The following ITGA1 variants were observed in gnomAD, a reference collection of about 807,000 sequenced individuals.
The protein encoded by ITGA1 is integrin alpha-1.
A neutral mutation model predicts 145.9 loss-of-function variants in ITGA1; 85 were observed. The observed-to-expected ratio is 0.58, with a 90% CI of 0.49 to 0.70. The LOEUF (loss-of-function observed/expected upper bound fraction) is 0.70, where lower values mean the gene tolerates loss of function less well. Ranked by LOEUF, ITGA1 falls within the 30% of genes least tolerant of loss-of-function variation. The probability of loss-of-function intolerance (pLI) is 0.00; values close to 1 mark genes in which losing one functional copy is unlikely to be tolerated. For synonymous variants in ITGA1, 520 were observed against 495.3 expected (o/e 1.05, Z -0.66); for missense variants, 1,351 against 1,418.7 (o/e 0.95, Z 0.77).
chr5:52,836,474 T>C (rs1300172994), intron 1 of ITGA1, among the ~76,000 whole-genome samples: 2 of 152,186 alleles, frequency 1.3e-5, no homozygotes, highest in African/African-American at 4.8e-5. Context: ...AAAATCTTTG[T>C]CTTTTTTTGG....
intron 14 of ITGA1, among the ~76,000 whole-genome samples, chr5:52,912,840 A>C (rs1319589944): frequency 6.6e-6 from 1 of 150,860 alleles, no homozygotes. Context: ...TCCACCTCCC[A>C]GGTTCACACC....
chr5:52,840,911 C>T (rs950931834), intron 1 of ITGA1, among the ~76,000 whole-genome samples: 10 of 152,184 alleles, frequency 6.6e-5, no homozygotes, highest in Non-Finnish European at 1.2e-4. Context: ...TTCCTTGCCT[C>T]CTTTCCACCA....
rs2111565804 is a variant in ITGA1 at position 52,954,035 on chromosome 5, C to G, written c.*1584C>G. 1 of 152,256 alleles carries G rather than the reference C, an allele frequency of 6.6e-6. No individual in the cohort carries two copies. The highest frequency in any genetic ancestry group is 2.4e-5 in the African/African-American group (1 of 41,544). 9.4% of individuals were successfully genotyped at this position (152,256 alleles called of 1,614,324 possible). A position where few individuals can be genotyped will look rare whatever the true frequency, so the allele number is the denominator to read the frequency against. ...GACTCTCCACATCCGCATCTAAGAT[C>G]CTGAAGGCCAAAGGAATGCGCCTGT... On this transcript the variant is annotated 3_prime_UTR_variant, in exon 29 of 29. Transcript: ENST00000282588.
chr5:52,853,404 G>A (rs1219781779), intron 2 of ITGA1, among the ~76,000 whole-genome samples: 1 of 152,074 alleles, frequency 6.6e-6, no homozygotes, highest in Non-Finnish European at 1.5e-5. Flanking sequence ...GGAGGAACAT[G>A]GATTTTGTTA....
At chr5:52,863,217 A>G (rs1561230324) in intron 3 of ITGA1, among the ~76,000 whole-genome samples, 1 of 152,220 alleles carries the variant, frequency 6.6e-6, no homozygotes, top group African/African-American at 2.4e-5. Context: ...TAAAATCTCT[A>G]TTCAGGTTTT....
At chr5:52,912,893 C>T (rs1317514496) in intron 14 of ITGA1, among the ~76,000 whole-genome samples, 1 of 151,756 alleles carries the variant, frequency 6.6e-6, no homozygotes, top group Admixed American at 6.6e-5. Context: ...ACTACAGGCT[C>T]CCGCCACCAC....
At chr5:52,814,883 G>A (rs548938674) in intron 1 of ITGA1, among the ~76,000 whole-genome samples, 5 of 152,052 alleles carry the variant, frequency 3.3e-5, no homozygotes, top group Non-Finnish European at 5.9e-5. Flanking sequence ...ACGAAAGTAC[G>A]GAAACTCAGT....
At chr5:52,908,535 C>A (rs754002530) in intron 12 of ITGA1, among the ~76,000 whole-genome samples, 1 of 152,178 alleles carries the variant, frequency 6.6e-6, no homozygotes, top group African/African-American at 2.4e-5. Flanking sequence ...TCAGCCATTG[C>A]AGCATGCATT....
At chr5:52,906,204 A>G (rs563450614) in intron 12 of ITGA1, among the ~76,000 whole-genome samples, 250 of 152,346 alleles carry the variant, frequency 1.6e-3, no homozygotes, top group African/African-American at 5.9e-3. Context: ...CAGACAATAC[A>G]GTCAGAATAT....
intron 14 of ITGA1, among the ~76,000 whole-genome samples, chr5:52,911,862 T>C (rs1383933639): frequency 7.4e-6 from 1 of 135,736 alleles, no homozygotes; most frequent in Non-Finnish European, 1.5e-5. Context: ...ACACACACTA[T>C]ATATAGTATA....
chr5:52,788,149 T>G lies in ITGA1; in HGVS notation c.-205T>G. The G allele has an allele frequency of 2.2e-6, 1 of 450,686 alleles. No individual in the cohort carries two copies. Among genetic ancestry groups the G allele is most frequent in the Non-Finnish European group, 3.9e-6 (1 of 253,306 alleles). The allele number at this position is 450,686 out of a possible 1,614,324, so 27.9% of individuals were successfully genotyped here. On this transcript the variant is annotated 5_prime_UTR_variant, in exon 1 of 29. An upstream start codon of the reference 5' UTR is lost. Transcript: ENST00000282588. ...GGGCGATGTGGCAATCCGTCTGGGA[T>G]GTGAAAAGCGTGGAGCGCATTTAGA... is the stretch of plus-strand genomic sequence containing the variant.
chr5:52,919,859 A>G (rs139521897), intron 16 of ITGA1, among the ~76,000 whole-genome samples: 15 of 152,246 alleles, frequency 9.9e-5, no homozygotes, highest in African/African-American at 3.6e-4. Flanking sequence ...TTTGACCATA[A>G]GCTGAGATAA....
chr5:52,925,351 A>G lies in ITGA1; in HGVS notation c.2477A>G (p.Glu826Gly). 1 of 1,614,068 alleles carries G rather than the reference A, an allele frequency of 6.2e-7. No homozygotes were observed. The highest frequency in any genetic ancestry group is 2.2e-5 in the East Asian group (1 of 44,862). ...CTCAGCCTGCATGTCGCCACCACTG[A>G]AAAGGACCTGCTGATTGTCCGATCC... ...SDLSLHVATT[E>G]KDLLIVRSQN... Residue 826 changes from glutamate (E) to glycine (G), a missense_variant, in exon 19 of 29, where the codon GAA becomes GGA. By Grantham distance (98) the Glu-to-Gly change is moderately conservative. Transcript: ENST00000282588.
chr5:52,920,993 T>C (rs1243571265), intron 17 of ITGA1, among the ~76,000 whole-genome samples: 2 of 152,278 alleles, frequency 1.3e-5, no homozygotes, highest in African/African-American at 4.8e-5. Flanking sequence ...TTCAGTTTTT[T>C]TTTTTTTTAA....
intron 6 of ITGA1, among the ~76,000 whole-genome samples, chr5:52,874,161 C>T (rs142305950): frequency 2.0e-5 from 3 of 152,014 alleles, no homozygotes; most frequent in Non-Finnish European, 2.9e-5. Flanking sequence ...GAGGGCCTTG[C>T]GCTTGGGTCA....
intron 1 of ITGA1, among the ~76,000 whole-genome samples, chr5:52,812,732 A>G (rs1748700931): frequency 6.6e-6 from 1 of 151,804 alleles, no homozygotes; most frequent in Admixed American, 6.6e-5. Context: ...TGATGTAAGC[A>G]AAATATCTGA....
chr5:52,869,874 T>C (rs1189867959), intron 6 of ITGA1, among the ~76,000 whole-genome samples: 2 of 152,190 alleles, frequency 1.3e-5, no homozygotes, highest in Admixed American at 1.3e-4. Context: ...ACTAAATTCA[T>C]AAATAATTCT....
At position 52,865,036 on chromosome 5, in the gene ITGA1, C is replaced by T. The variant is rs377471148; in HGVS notation, c.450C>T (p.Asp150=). 86 of 1,613,714 alleles carry T rather than the reference C, an allele frequency of 5.3e-5. No homozygotes were observed. Among genetic ancestry groups the T allele is most frequent in the African/African-American group, 2.5e-4 (19 of 74,894 alleles). ...ATTACACAACTGGAATCTGTTCTGA[C>T]GTCAGCCCCACATTTCAAGTCGTGA... ...HLHYTTGICS[D]VSPTFQVVNS... Residue 150 remains aspartate (D), a synonymous_variant, in exon 5 of 29, where the codon GAC becomes GAT. Transcript: ENST00000282588.
intron 7 of ITGA1, chr5:52,882,858 A>C (rs1749980716): frequency 6.6e-6 from 1 of 152,230 alleles, no homozygotes; most frequent in Non-Finnish European, 1.5e-5. Context: ...AAATGTCTTC[A>C]ACTTCTGAAC....
Sources: gnomAD v4.1 joint callset for allele counts (sites outside exome capture counted in the v4.1 genomes callset) on GRCh38, gnomAD v4.1.1 for gene constraint, MANE v1.5 for transcripts, NCBI Gene and HGNC (gene_info 2026-07-23, HGNC 2026-07-21) for gene names.